The following PPP3CA variants were observed in gnomAD, a reference collection of about 807,000 sequenced individuals.
PPP3CA encodes protein phosphatase 3 catalytic subunit alpha.
A neutral mutation model predicts 66.5 loss-of-function variants in PPP3CA; 14 were observed. The ratio of observed to expected loss-of-function variants is 0.21; its 90% CI spans 0.14 to 0.33. The LOEUF is 0.33. Among genes scored for constraint, PPP3CA ranks in the 10% least tolerant of loss-of-function variants. PPP3CA has a pLI of 1.00. For missense variants in PPP3CA, 317 were observed against 639.5 expected (o/e 0.50, Z 5.44); for synonymous variants, 232 against 226.2 (o/e 1.03, Z -0.23).
chr4:101,212,235 C>A (rs1725319346), intron 1 of PPP3CA, among the ~76,000 whole-genome samples: 1 of 152,068 alleles, frequency 6.6e-6, no homozygotes, highest in African/African-American at 2.4e-5. Flanking sequence ...CTTATACCAT[C>A]TAATTGGTCT....
At chr4:101,223,951 A>G (rs934760668) in intron 1 of PPP3CA, among the ~76,000 whole-genome samples, 1 of 151,830 alleles carries the variant, frequency 6.6e-6, no homozygotes, top group Admixed American at 6.6e-5. Flanking sequence ...ACAAACCTAT[A>G]AAACCATTCC....
intron 2 of PPP3CA, among the ~76,000 whole-genome samples, chr4:101,182,645 A>G (rs986578369): frequency 9.2e-5 from 14 of 152,186 alleles, no homozygotes; most frequent in African/African-American, 3.4e-4. Flanking sequence ...TAGCTATGGT[A>G]GGATACATAG....
chr4:101,277,215 T>C (rs1374191175), intron 1 of PPP3CA, among the ~76,000 whole-genome samples: 1 of 152,176 alleles, frequency 6.6e-6, no homozygotes, highest in Non-Finnish European at 1.5e-5. Flanking sequence ...GTTTTCTCCA[T>C]TTCTATGTGG....
At chr4:101,230,525 AATAAATAC>A (rs1438243252) in intron 1 of PPP3CA, among the ~76,000 whole-genome samples, 22 of 151,778 alleles carry the variant, frequency 1.4e-4, no homozygotes, top group Admixed American at 4.6e-4. Flanking sequence ...GTTTCAAATA[AATAAATAC>A]ATAAATAAAC....
Position 101,274,112 on chromosome 4 carries a change from C to T in PPP3CA, c.58+72627G>A, listed in dbSNP as rs150007034. 9.0e-3 allele frequency among the ~76,000 whole-genome samples: 1,373 copies of T among 152,234 alleles called. 21 individuals carry two copies. Among genetic ancestry groups the T allele is most frequent in the African/African-American group, 0.031 (1,304 of 41,522 alleles). On this transcript the variant is annotated intron_variant, in intron 1 of 13. Coordinates refer to ENST00000394854, the MANE Select transcript of PPP3CA (RefSeq NM_000944.5). ...CTGAGGTCAGGAGTTCAAGACCAGCCTGGCCAACATGGTAAAACCCCGTAT... is the reference window on the plus strand; with the variant it reads ...CTGAGGTCAGGAGTTCAAGACCAGCTTGGCCAACATGGTAAAACCCCGTAT...
intron 1 of PPP3CA, among the ~76,000 whole-genome samples, chr4:101,321,567 A>T (rs1448049957): frequency 2.6e-5 from 4 of 152,086 alleles, no homozygotes; most frequent in African/African-American, 4.8e-5. Flanking sequence ...TTTTCCTTTA[A>T]ATTTTCTTCC....
At chr4:101,195,860 T>C in intron 2 of PPP3CA, 56 bp downstream of exon 2, 1 of 1,485,558 alleles carries the variant, frequency 6.7e-7, no homozygotes, top group Non-Finnish European at 9.2e-7. Flanking sequence ...TTTGATTTCA[T>C]GCTATAAACA....
At chr4:101,313,259 T>C (rs144135474) in intron 1 of PPP3CA, among the ~76,000 whole-genome samples, 1 of 152,258 alleles carries the variant, frequency 6.6e-6, no homozygotes, top group East Asian at 1.9e-4. Flanking sequence ...ACTCCTGTCC[T>C]GAAACAATTC....
intron 2 of PPP3CA, among the ~76,000 whole-genome samples, chr4:101,127,306 G>T (rs1265927237): frequency 6.6e-6 from 1 of 151,888 alleles, no homozygotes; most frequent in Non-Finnish European, 1.5e-5. Context: ...ATATGTTGAT[G>T]ACCTAACCCC....
intron 1 of PPP3CA, among the ~76,000 whole-genome samples, chr4:101,289,598 A>G (rs982400937): frequency 1.3e-5 from 2 of 152,228 alleles, no homozygotes; most frequent in Admixed American, 1.3e-4. Context: ...ATGATTAATT[A>G]TCAGGTGAGT....
chr4:101,087,969 T>C (rs1478098084), intron 6 of PPP3CA, among the ~76,000 whole-genome samples: 1 of 152,182 alleles, frequency 6.6e-6, no homozygotes, highest in South Asian at 2.1e-4. Context: ...TTTCCCCGCC[T>C]GCAAAAATCT....
chr4:101,337,960 T>C (rs1729689822), intron 1 of PPP3CA, among the ~76,000 whole-genome samples: 1 of 152,226 alleles, frequency 6.6e-6, no homozygotes, highest in Non-Finnish European at 1.5e-5. Flanking sequence ...ATATACACAG[T>C]AAGTTATCAC....
intron 3 of PPP3CA, among the ~76,000 whole-genome samples, chr4:101,104,043 G>A (rs1006375915): frequency 1.3e-5 from 2 of 152,072 alleles, no homozygotes; most frequent in Non-Finnish European, 2.9e-5. Flanking sequence ...CTGGGGTGGG[G>A]GTAATGCATA....
intron 11 of PPP3CA, among the ~76,000 whole-genome samples, chr4:101,036,721 C>T (rs755312460): frequency 1.3e-5 from 2 of 152,088 alleles, no homozygotes; most frequent in African/African-American, 4.8e-5. Flanking sequence ...CTTATGTCCA[C>T]ATTTCTAACC....
chr4:101,296,854 A>C (rs1728215485), intron 1 of PPP3CA, among the ~76,000 whole-genome samples: 1 of 152,234 alleles, frequency 6.6e-6, no homozygotes, highest in African/African-American at 2.4e-5. Flanking sequence ...AATGACTCAC[A>C]GTAAAACACT....
intron 2 of PPP3CA, among the ~76,000 whole-genome samples, chr4:101,150,189 T>C (rs1283796925): frequency 2.0e-5 from 3 of 152,200 alleles, no homozygotes; most frequent in East Asian, 1.9e-4. Context: ...AGATTCAGAA[T>C]AGGCCCATCA....
intron 1 of PPP3CA, among the ~76,000 whole-genome samples, chr4:101,267,855 C>T (rs1307597609): frequency 2.6e-5 from 4 of 152,046 alleles, no homozygotes; most frequent in Non-Finnish European, 5.9e-5. Context: ...TTTATACTAT[C>T]GATACTATTG....
At chr4:101,294,033 A>T (rs1728115832) in intron 1 of PPP3CA, among the ~76,000 whole-genome samples, 1 of 152,208 alleles carries the variant, frequency 6.6e-6, no homozygotes, top group African/African-American at 2.4e-5. Context: ...ACAAAGCAAT[A>T]AGGAAGAAAC....
Position 101,346,841 on chromosome 4 carries a change from T to G in PPP3CA, c.-45A>C, listed in dbSNP as rs1223063629. 2 of 1,592,674 alleles carry G rather than the reference T, an allele frequency of 1.3e-6. No individual in the cohort carries two copies. The highest frequency in any genetic ancestry group is 1.3e-5 in the African/African-American group (1 of 74,184). The stretch of plus-strand genomic sequence containing the variant: ...GCGACGCGCTGCTCGTCCGTCCGAC[T>G]GCACACCCCGACCGGACCGGCGGGC... On this transcript the variant is annotated 5_prime_UTR_variant, in exon 1 of 14. Transcript: ENST00000394854.
Sources: allele counts gnomAD v4.1 joint callset (sites outside exome capture counted in the v4.1 genomes callset), GRCh38; gene constraint gnomAD v4.1.1; transcripts MANE v1.5; gene names NCBI Gene and HGNC (gene_info 2026-07-23, HGNC 2026-07-21).